TBCK: variants seen among roughly 807,000 people sequenced by gnomAD.
The protein encoded by TBCK is TBC domain-containing protein kinase-like protein.
TBCK carries 99 observed loss-of-function variants against 113.4 expected under a neutral mutation model. The ratio of observed to expected loss-of-function variants is 0.87; its 90% CI spans 0.74 to 1.03. The LOEUF (loss-of-function observed/expected upper bound fraction) is 1.03, where lower values mean the gene tolerates loss of function less well. TBCK is among the 50% of genes least tolerant of loss of function. TBCK has a pLI of 0.00. For missense variants in TBCK, 1,045 were observed against 1,061.3 expected, an observed-to-expected ratio of 0.98 and a Z score of 0.21; for synonymous variants, 369 against 370.8, an observed-to-expected ratio of 1.00 and a Z score of 0.05.
At chr4:106,251,121 G>T (rs1761378999) in intron 6 of TBCK, 1 of 395,696 alleles carries the variant, frequency 2.5e-6, no homozygotes, top group Non-Finnish European at 5.1e-6. Context: ...TGCCAAATTG[G>T]ACTCTTCCAC....
intron 19 of TBCK, 116 bp from the exon 20 acceptor site, chr4:106,212,951 T>A: frequency 1.5e-6 from 1 of 666,746 alleles, no homozygotes; most frequent in Middle Eastern, 3.4e-4. Context: ...ATGAGAATAC[T>A]TTACGTGATA....
At chr4:106,053,752 G>A (rs1457140151) in intron 25 of TBCK, among the ~76,000 whole-genome samples, 1 of 151,466 alleles carries the variant, frequency 6.6e-6, no homozygotes, top group African/African-American at 2.4e-5. Flanking sequence ...AGTTTCAAAG[G>A]GGAACACTTG....
intron 1 of TBCK, among the ~76,000 whole-genome samples, chr4:106,312,706 A>G (rs1443641570): frequency 6.6e-6 from 1 of 152,226 alleles, no homozygotes; most frequent in East Asian, 1.9e-4. Flanking sequence ...CAAATGTCCC[A>G]TAAGTGAATC....
chr4:106,116,974 C>G (rs923649928), intron 23 of TBCK, among the ~76,000 whole-genome samples: 1 of 123,350 alleles, frequency 8.1e-6, no homozygotes, highest in African/African-American at 3.5e-5. Context: ...CTGAAATCAT[C>G]CCCCCCCCAT....
intron 25 of TBCK, among the ~76,000 whole-genome samples, chr4:106,074,094 C>T (rs1398372608): frequency 2.0e-5 from 3 of 152,230 alleles, no homozygotes; most frequent in African/African-American, 7.2e-5. Context: ...CCCTGCCCTG[C>T]TTCAGCTTGC....
Position 106,276,616 on chromosome 4 carries a change from C to T in TBCK, c.267-14404G>A, listed in dbSNP as rs189367276. 6.6e-5 allele frequency among the ~76,000 whole-genome samples: 10 copies of T among 152,190 alleles called. No homozygotes were observed. The East Asian group carries it at 1.5e-3, about 24-fold the overall frequency. The stretch of plus-strand genomic sequence containing the variant: ...TAAAAAATAGGCAAGCCTGGCCAGG[C>T]GCAGTGTGGCTCACGCCTATAATCC... On this transcript the variant is annotated intron_variant, in intron 3 of 25. Coordinates refer to ENST00000394708, the MANE Select transcript of TBCK (RefSeq NM_001163435.3).
intron 19 of TBCK, among the ~76,000 whole-genome samples, chr4:106,227,829 T>C (rs1318342244): frequency 6.6e-6 from 1 of 151,898 alleles, no homozygotes; most frequent in African/African-American, 2.4e-5. Context: ...CACAGAATCT[T>C]GTTGAAAGGA....
chr4:106,123,109 G>C (rs1037404185), intron 23 of TBCK, among the ~76,000 whole-genome samples: 6 of 152,126 alleles, frequency 3.9e-5, no homozygotes, highest in African/African-American at 9.7e-5. Flanking sequence ...GATGACATGA[G>C]TGTATATCTA....
chr4:106,149,456 T>A (rs2149677172), intron 23 of TBCK, among the ~76,000 whole-genome samples: 1 of 152,324 alleles, frequency 6.6e-6, no homozygotes, highest in East Asian at 1.9e-4. Context: ...GAGTCCATTA[T>A]AGGGCTACTA....
At chr4:106,101,554 G>A (rs1741558595) in intron 24 of TBCK, among the ~76,000 whole-genome samples, 1 of 152,202 alleles carries the variant, frequency 6.6e-6, no homozygotes, top group Non-Finnish European at 1.5e-5. Flanking sequence ...CACTAAGGAT[G>A]AATGTGCCAT....
intron 25 of TBCK, among the ~76,000 whole-genome samples, chr4:106,058,125 C>T (rs1173953871): frequency 6.6e-6 from 1 of 151,730 alleles, no homozygotes; most frequent in African/African-American, 2.4e-5. Flanking sequence ...AGGCACCATG[C>T]TAGGGGCTGG....
In TBCK at chr4:106,242,556, C is replaced by G; in HGVS notation, c.1084G>C (p.Asp362His). The G allele has an allele frequency of 6.3e-7, 1 of 1,599,548 alleles. No homozygotes were observed. The highest frequency in any genetic ancestry group is 8.5e-7 in the Non-Finnish European group (1 of 1,174,514). The change falls in exon 12 of 26, where the codon GAT (aspartate) becomes CAT (histidine). Residue 362 changes from aspartate to histidine, a missense_variant. Asp to His is a moderately conservative substitution (Grantham distance 81, BLOSUM62 -1). Coordinates refer to ENST00000394708, the MANE Select transcript of TBCK (RefSeq NM_001163435.3). ...ICTLPNFLFE[D>H]GESFGQGRDR... ...CGACCTTGTCCAAAGCTTTCACCAT[C>G]CTCAAAGAGAAAACTGAAAAGAAAT... is the stretch of plus-strand genomic sequence containing the variant.
chr4:106,193,010 T>A (rs1238752915), intron 22 of TBCK, among the ~76,000 whole-genome samples: 1 of 152,116 alleles, frequency 6.6e-6, no homozygotes, highest in Non-Finnish European at 1.5e-5. Flanking sequence ...ACCCATAGCT[T>A]CAAAGCTCAG....
At chr4:106,129,523 A>G (rs531016067) in intron 23 of TBCK, among the ~76,000 whole-genome samples, 11 of 152,372 alleles carry the variant, frequency 7.2e-5, no homozygotes, top group African/African-American at 2.6e-4. Flanking sequence ...ATTTACGTGT[A>G]TAGCAAAGAT....
At chr4:106,155,856 A>G (rs1038705272) in intron 23 of TBCK, among the ~76,000 whole-genome samples, 3 of 152,104 alleles carry the variant, frequency 2.0e-5, no homozygotes, top group African/African-American at 7.2e-5. Flanking sequence ...AAAAGGTCAC[A>G]TATCTCCGTT....
intron 22 of TBCK, among the ~76,000 whole-genome samples, chr4:106,185,838 A>G (rs1752960488): frequency 6.6e-6 from 1 of 152,128 alleles, no homozygotes; most frequent in Admixed American, 6.6e-5. Flanking sequence ...CCAGGTAATT[A>G]GCATAGAACC....
intron 24 of TBCK, among the ~76,000 whole-genome samples, chr4:106,110,556 G>A (rs1742723117): frequency 6.6e-6 from 1 of 152,180 alleles, no homozygotes; most frequent in African/African-American, 2.4e-5. Context: ...TCAATTAAGA[G>A]ACCTAATGCA....
chr4:106,233,161 T>C (rs1353494457), intron 16 of TBCK, 97 bp from the exon 17 acceptor site: 3 of 1,229,158 alleles, frequency 2.4e-6, no homozygotes, highest in Non-Finnish European at 1.1e-6. Flanking sequence ...GGAGAAGCTA[T>C]AATATGAATT....
rs371985941 is a variant in TBCK at position 106,308,839 on chromosome 4, C to T, written c.122G>A (p.Arg41His). Reference protein sequence around the residue: ...LTPNSIKILGRFQILKTITHP... With the variant: ...LTPNSIKILGHFQILKTITHP... ...GGTGATGGTTTTAAGGATTTGAAAG[C>T]GCCCTAAAATTTTGATGGAATTTGG... The change falls in exon 2 of 26, where the codon CGC becomes CAC. Residue 41 changes from arginine (R) to histidine (H), a missense_variant. By Grantham distance (29) the Arg-to-His change is conservative. Transcript: ENST00000394708. The T allele has an allele frequency of 1.9e-5, 30 of 1,614,002 alleles. 1 individual carries two copies. Among genetic ancestry groups the T allele is most frequent in the Middle Eastern group, 1.6e-4 (1 of 6,082 alleles).
Sources: allele counts gnomAD v4.1 joint callset (sites outside exome capture counted in the v4.1 genomes callset), GRCh38; gene constraint gnomAD v4.1.1; transcripts MANE v1.5; gene names NCBI Gene and HGNC (gene_info 2026-07-23, HGNC 2026-07-21).